The following CNTN1 variants were observed in gnomAD, a reference collection of about 807,000 sequenced individuals.
The protein encoded by CNTN1 is contactin 1.
In CNTN1, 38 loss-of-function variants were observed where a neutral mutation model predicts 126.4. The ratio of observed to expected loss-of-function variants is 0.30; its 90% confidence interval spans 0.23 to 0.39. The LOEUF is 0.39. CNTN1 is among the 10% of genes least tolerant of loss of function. The probability of loss-of-function intolerance (pLI) is 1.00; values close to 1 mark genes in which losing one functional copy is unlikely to be tolerated. For missense variants in CNTN1, 1,009 were observed against 1,248.4 expected, an observed-to-expected ratio of 0.81 and a Z score of 2.89; for synonymous variants, 413 against 422.6, an observed-to-expected ratio of 0.98 and a Z score of 0.28.
At chr12:41,044,627 G>A (rs1949502141) in intron 23 of CNTN1, among the ~76,000 whole-genome samples, 1 of 152,056 alleles carries the variant, frequency 6.6e-6, no homozygotes, top group African/African-American at 2.4e-5. Flanking sequence ...TGTTATACTG[G>A]GAGGGTAGAA....
rs534014341 is a variant in CNTN1 at position 40,984,693 on chromosome 12, A to G, written c.1963+3626A>G. Among the ~76,000 whole-genome samples, 11 of 152,312 alleles carry G rather than the reference A, an allele frequency of 7.2e-5. No individual in the cohort carries two copies. The South Asian group carries it at 2.3e-3, about 32-fold the overall frequency. On this transcript the variant is annotated intron_variant, in intron 16 of 23. Coordinates refer to ENST00000551295, the MANE Select transcript of CNTN1 (RefSeq NM_001843.4). ...GATCAAATTTCAACATGAGATTTAG[A>G]GTGGACAAATATACCAACTATGTAT...
intron 11 of CNTN1, among the ~76,000 whole-genome samples, chr12:40,938,537 C>T (rs1946157859): frequency 6.6e-6 from 1 of 152,178 alleles, no homozygotes; most frequent in African/African-American, 2.4e-5. Context: ...CTTATTACTA[C>T]CTGTGGTACC....
intron 22 of CNTN1, 27 bp downstream of exon 22, chr12:41,027,996 T>C (rs1312418532): frequency 2.8e-6 from 4 of 1,448,588 alleles, no homozygotes; most frequent in Non-Finnish European, 2.9e-6. Flanking sequence ...ATGATTAATG[T>C]TTGCAATTCT....
At chr12:41,068,384 C>T (rs557525517) in intron 23 of CNTN1, among the ~76,000 whole-genome samples, 3 of 152,238 alleles carry the variant, frequency 2.0e-5, no homozygotes, top group Non-Finnish European at 4.4e-5. Context: ...TCCTTAGGAG[C>T]TCTGCTACTT....
chr12:40,943,766 A>T (rs969248933), intron 13 of CNTN1, 42 bp downstream of exon 13: 1 of 1,606,486 alleles, frequency 6.2e-7, no homozygotes, highest in African/African-American at 1.3e-5. Context: ...AATGTATTAA[A>T]AAACATGATT....
At chr12:40,881,678 T>C (rs1277117346) in intron 1 of CNTN1, among the ~76,000 whole-genome samples, 3 of 151,886 alleles carry the variant, frequency 2.0e-5, no homozygotes, top group African/African-American at 7.2e-5. Flanking sequence ...ATAAGGGCTT[T>C]GCAGCTATTA....
chr12:41,016,705 T>C lies in CNTN1; in HGVS notation c.2208T>C (p.Tyr736=), dbSNP rs1948789417. The change falls in exon 19 of 24, where the codon TAT becomes TAC. Residue 736 remains tyrosine, a synonymous_variant. Coordinates refer to ENST00000551295, the MANE Select transcript of CNTN1 (RefSeq NM_001843.4). ...AGCCTTTGTCAAGAGAATACCACTA[T>C]GGCAACAATTTTGGTTACATAGTGG... ...TWAPLSREYH[Y]GNNFGYIVAF... 3 of 1,613,744 alleles carry C rather than the reference T, an allele frequency of 1.9e-6. No individual in the cohort carries two copies. Among genetic ancestry groups the C allele is most frequent in the Admixed American group, 1.7e-5 (1 of 60,010 alleles).
intron 1 of CNTN1, among the ~76,000 whole-genome samples, chr12:40,830,828 T>TAC (rs1941794766): frequency 1.8e-5 from 2 of 112,940 alleles, no homozygotes; most frequent in Non-Finnish European, 3.6e-5. Context: ...TATATATATA[T>TAC]ATATATACTC....
chr12:41,024,191 A>C (rs1250300990), intron 20 of CNTN1, among the ~76,000 whole-genome samples: 1 of 152,180 alleles, frequency 6.6e-6, no homozygotes, highest in Non-Finnish European at 1.5e-5. Context: ...TTATGTAAAT[A>C]AAAAATGCAG....
At chr12:40,940,084 G>A (rs1946214268) in intron 12 of CNTN1, among the ~76,000 whole-genome samples, 1 of 152,082 alleles carries the variant, frequency 6.6e-6, no homozygotes, top group Admixed American at 6.6e-5. Flanking sequence ...TAGTTTATAT[G>A]TATCCTAGAA....
intron 15 of CNTN1, among the ~76,000 whole-genome samples, chr12:40,960,953 T>G (rs779790224): frequency 1.3e-5 from 2 of 152,062 alleles, no homozygotes; most frequent in Non-Finnish European, 2.9e-5. Flanking sequence ...GATTACATTG[T>G]AGTAAACTCA....
intron 20 of CNTN1, among the ~76,000 whole-genome samples, chr12:41,023,024 AG>A (rs1948956344): frequency 6.6e-6 from 1 of 151,976 alleles, no homozygotes; most frequent in Admixed American, 6.6e-5. Context: ...TGTGGCCGGT[AG>A]GGGGGAGGGG....
chr12:40,944,419 T>A (rs1303847901), intron 14 of CNTN1, among the ~76,000 whole-genome samples: 1 of 151,990 alleles, frequency 6.6e-6, no homozygotes, highest in Non-Finnish European at 1.5e-5. Flanking sequence ...AGGTATGATT[T>A]CCCCCTTAAT....
intron 22 of CNTN1, among the ~76,000 whole-genome samples, chr12:41,028,240 C>G (rs1949075620): frequency 6.6e-6 from 1 of 152,044 alleles, no homozygotes; most frequent in Non-Finnish European, 1.5e-5. Context: ...CCGTCTTGGC[C>G]AGGGTGGTCT....
At chr12:40,970,619 T>C (rs922892253) in intron 15 of CNTN1, among the ~76,000 whole-genome samples, 7 of 152,180 alleles carry the variant, frequency 4.6e-5, no homozygotes, top group African/African-American at 9.6e-5. Flanking sequence ...CATGGTTTTC[T>C]ATAACAATAT....
chr12:41,016,885 C>G lies in CNTN1; in HGVS notation c.2388C>G (p.Ser796Arg), dbSNP rs1434998045. The G allele has an allele frequency of 6.2e-7, 1 of 1,614,000 alleles. No individual in the cohort carries two copies. The change falls in exon 19 of 24, where the codon AGC becomes AGG. Residue 796 changes from serine (S) to arginine (R), a missense_variant. Transcript: ENST00000551295. ...ACAACAAAGGAGATGGACCTTACAGCCTAGTAGCAGTCATTAATTCAGCAC... is the reference window on the plus strand; with the variant it reads ...ACAACAAAGGAGATGGACCTTACAGGCTAGTAGCAGTCATTAATTCAGCAC... Reference protein sequence around the residue: ...AFNNKGDGPYSLVAVINSAQD... With the variant: ...AFNNKGDGPYRLVAVINSAQD...
chr12:40,843,807 A>G (rs1942381924), intron 1 of CNTN1, among the ~76,000 whole-genome samples: 1 of 152,174 alleles, frequency 6.6e-6, no homozygotes, highest in Admixed American at 6.5e-5. Context: ...ATAGCCTGAA[A>G]TAGTACATCG....
chr12:40,983,746 ATATAT>A (rs934011337), intron 16 of CNTN1, among the ~76,000 whole-genome samples: 7 of 147,778 alleles, frequency 4.7e-5, no homozygotes, highest in Admixed American at 2.7e-4. Flanking sequence ...TATATATACT[ATATAT>A]TATATTACTA....
At chr12:40,696,609 C>T (rs1473249404) in intron 1 of CNTN1, among the ~76,000 whole-genome samples, 2 of 152,168 alleles carry the variant, frequency 1.3e-5, no homozygotes, top group African/African-American at 4.8e-5. Flanking sequence ...GAGCAGGAGA[C>T]TCAGGTTCAA....
Sources: gnomAD v4.1 joint callset for allele counts (sites outside exome capture counted in the v4.1 genomes callset) on GRCh38, gnomAD v4.1.1 for gene constraint, MANE v1.5 for transcripts, NCBI Gene and HGNC (gene_info 2026-07-23, HGNC 2026-07-21) for gene names.